The following GRAP2 variants were observed in gnomAD, a reference collection of about 807,000 sequenced individuals.
GRAP2 encodes GRB2-related adapter protein 2.
GRAP2 carries 31 observed loss-of-function variants against 43.5 expected under a neutral mutation model. The ratio of observed to expected loss-of-function variants is 0.71; its 90% CI spans 0.54 to 0.96. GRAP2 has a LOEUF of 0.96. Ranked by LOEUF, GRAP2 falls within the 40% of genes least tolerant of loss-of-function variation. GRAP2 has a pLI of 0.00. For missense variants in GRAP2, 371 were observed against 424.4 expected, an observed-to-expected ratio of 0.87 and a Z score of 1.11; for synonymous variants, 156 against 164.8, an observed-to-expected ratio of 0.95 and a Z score of 0.41.
At chr22:39,959,063 C>T (rs575039925) in intron 3 of GRAP2, among the ~76,000 whole-genome samples, 17 of 152,342 alleles carry the variant, frequency 1.1e-4, no homozygotes, top group Admixed American at 9.8e-4. Context: ...AAGGAACATG[C>T]GTATGAGCCT....
At chr22:39,929,091 T>A (rs535036688) in intron 1 of GRAP2, among the ~76,000 whole-genome samples, 58 of 152,220 alleles carry the variant, frequency 3.8e-4, no homozygotes, top group Non-Finnish European at 5.6e-4. Flanking sequence ...TAAGGATACT[T>A]CCTGCTAGGA....
intron 1 of GRAP2, among the ~76,000 whole-genome samples, chr22:39,936,540 A>G (rs973059081): frequency 6.6e-6 from 1 of 152,206 alleles, no homozygotes; most frequent in Non-Finnish European, 1.5e-5. Flanking sequence ...TGCGAGATAC[A>G]CTTTCTCTAA....
chr22:39,946,883 C>T, intron 1 of GRAP2: 1 of 473,684 alleles, frequency 2.1e-6, no homozygotes, highest in Non-Finnish European at 3.8e-6. Context: ...TCTGGGGATT[C>T]CGAGAATGAT....
At position 39,947,047 on chromosome 22, in the gene GRAP2, C is replaced by G. The variant is rs550869452; in HGVS notation, c.-14-46C>G. ...AGGAAGCACCATCGGCTCTGCTGCC[C>G]TCCCCCTGGCAGAGAGGCACAATGA... On this transcript the variant is annotated intron_variant, in intron 1 of 7. Coordinates refer to ENST00000344138, the MANE Select transcript of GRAP2 (RefSeq NM_004810.4). The G allele has an allele frequency of 1.0e-5, 11 of 1,089,346 alleles. No individual in the cohort carries two copies. In the East Asian group the frequency reaches 2.6e-4, roughly 26 times the overall value. 67.5% of individuals were successfully genotyped at this position (1,089,346 alleles called of 1,614,324 possible).
intron 3 of GRAP2, among the ~76,000 whole-genome samples, chr22:39,957,008 A>G (rs564612900): frequency 6.6e-6 from 1 of 152,294 alleles, no homozygotes; most frequent in African/African-American, 2.4e-5. Flanking sequence ...CAATGAGAGA[A>G]GTCAGCGGGG....
rs552088523 is a variant in GRAP2, at chr22:39,928,171, A to G, written c.-14-18922A>G. 2.6e-5 allele frequency among the ~76,000 whole-genome samples: 4 copies of G among 151,126 alleles called. No homozygotes were observed. The South Asian group carries it at 8.3e-4, about 32-fold the overall frequency. The stretch of plus-strand genomic sequence containing the variant: ...CTTTCCAAATCTTAATGGATGAAAC[A>G]CCTCTTTTTTTTTGTCTTCTATCTC... On this transcript the variant is annotated intron_variant, in intron 1 of 7. Transcript: ENST00000344138.
intron 2 of GRAP2, chr22:39,948,099 A>G (rs574508680): frequency 1.1e-4 from 16 of 152,294 alleles, no homozygotes; most frequent in Non-Finnish European, 2.1e-4. Context: ...ACCGAGAATT[A>G]GGTTTGTTAT....
chr22:39,941,221 A>G (rs1171068709), intron 1 of GRAP2, among the ~76,000 whole-genome samples: 1 of 152,234 alleles, frequency 6.6e-6, no homozygotes. Context: ...GGCATTGTAG[A>G]GAATCTAAGA....
intron 7 of GRAP2, 32 bp from the exon 8 acceptor site, chr22:39,970,873 C>T: frequency 6.4e-7 from 1 of 1,554,768 alleles, no homozygotes; most frequent in Non-Finnish European, 8.7e-7. Context: ...GCCCACAGCT[C>T]AGCAGAGCCT....
chr22:39,969,265 C>T (rs1275743996), intron 6 of GRAP2, 146 bp from the exon 7 acceptor site: 1 of 903,224 alleles, frequency 1.1e-6, no homozygotes, highest in East Asian at 2.5e-5. Flanking sequence ...CTTAGGTCCT[C>T]CTCAACGTGG....
rs1474480259 is a variant in GRAP2 at position 39,946,217 on chromosome 22, A to G, written c.-14-876A>G. ...TTATTAATTGAATATTATGATCACCATTTTATAGATGAGGAAATGGAGACT... is the reference window on the plus strand; with the variant it reads ...TTATTAATTGAATATTATGATCACCGTTTTATAGATGAGGAAATGGAGACT... On this transcript the variant is annotated intron_variant, in intron 1 of 7. Transcript: ENST00000344138. 3.3e-5 allele frequency among the ~76,000 whole-genome samples: 5 copies of G among 152,202 alleles called. No individual in the cohort carries two copies. The South Asian group carries it at 6.2e-4, about 19-fold the overall frequency.
chr22:39,955,765 G>GT (rs2067042795), intron 2 of GRAP2, 54 bp from the exon 3 acceptor site: 2 of 893,234 alleles, frequency 2.2e-6, no homozygotes, highest in East Asian at 2.4e-5. Context: ...CCTTTCTCTT[G>GT]TTTTTTTGGT....
At chr22:39,911,564 A>G (rs1319208516) in intron 1 of GRAP2, among the ~76,000 whole-genome samples, 2 of 152,084 alleles carry the variant, frequency 1.3e-5, no homozygotes, top group Admixed American at 6.6e-5. Flanking sequence ...AACTTGTATA[A>G]TATTTATCAT....
upstream of GRAP2, among the ~76,000 whole-genome samples, chr22:39,897,037 A>C (rs910975628): frequency 6.6e-6 from 1 of 151,446 alleles, no homozygotes. Context: ...ATCTATATTC[A>C]CTCCACAGGT....
intron 1 of GRAP2, among the ~76,000 whole-genome samples, chr22:39,918,152 T>C (rs538854095): frequency 5.7e-4 from 87 of 152,174 alleles, no homozygotes; most frequent in Non-Finnish European, 1.1e-3. Context: ...TCACGGGTTT[T>C]TCACGCTCCT....
intron 1 of GRAP2, among the ~76,000 whole-genome samples, chr22:39,933,840 C>T (rs1008538317): frequency 8.4e-5 from 12 of 143,318 alleles, no homozygotes; most frequent in Admixed American, 7.8e-4. Flanking sequence ...GACCCTGTCT[C>T]GAAAAAAAAA....
chr22:39,953,319 C>T (rs1328155603), intron 2 of GRAP2, among the ~76,000 whole-genome samples: 2 of 152,138 alleles, frequency 1.3e-5, no homozygotes, highest in Non-Finnish European at 2.9e-5. Context: ...GCCCTGCCTC[C>T]TCTCATGTAT....
intron 3 of GRAP2, among the ~76,000 whole-genome samples, chr22:39,957,590 C>T (rs762263643): frequency 6.6e-6 from 1 of 152,176 alleles, no homozygotes; most frequent in Non-Finnish European, 1.5e-5. Flanking sequence ...AGCAAACACA[C>T]ACGCTGCAAT....
At chr22:39,964,262 G>A in intron 4 of GRAP2, 1 of 619,414 alleles carries the variant, frequency 1.6e-6, no homozygotes, top group Non-Finnish European at 2.9e-6. Context: ...ATTTTCTCTA[G>A]CCCTGGTTCG....
Sources: gnomAD v4.1 joint callset for allele counts (sites outside exome capture counted in the v4.1 genomes callset) on GRCh38, gnomAD v4.1.1 for gene constraint, MANE v1.5 for transcripts, NCBI Gene and HGNC (gene_info 2026-07-23, HGNC 2026-07-21) for gene names.